MAP4K1: variants seen among roughly 807,000 people sequenced by gnomAD.
The protein encoded by MAP4K1 is MAPK/ERK kinase kinase kinase 1.
A neutral mutation model predicts 122.8 loss-of-function variants in MAP4K1; 35 were observed. The ratio of observed to expected loss-of-function variants is 0.29; its 90% CI spans 0.22 to 0.38. The LOEUF is 0.38. Ranked by LOEUF, MAP4K1 falls within the 10% of genes least tolerant of loss-of-function variation. MAP4K1 has a pLI of 1.00. For synonymous variants in MAP4K1, 412 were observed against 421.3 expected, an observed-to-expected ratio of 0.98 and a Z score of 0.27; for missense variants, 791 against 1,072.6, an observed-to-expected ratio of 0.74 and a Z score of 3.67.
chr19:38,614,035 T>G lies in MAP4K1; in HGVS notation c.460+8A>C. On this transcript the variant is annotated splice_region_variant and intron_variant, in intron 7 of 30. Coordinates refer to ENST00000396857, the MANE Select transcript of MAP4K1 (RefSeq NM_001042600.3). The stretch of plus-strand genomic sequence containing the variant: ...CAGCCCCCCTGCTCAACCCCCAGCC[T>G]TACTCACCCAATCTGACCTCCCCAG... 2 of 1,467,544 alleles carry G rather than the reference T, an allele frequency of 1.4e-6. No homozygotes were observed. The highest frequency in any genetic ancestry group is 1.8e-6 in the Non-Finnish European group (2 of 1,088,284). The allele number at this position is 1,467,544 out of a possible 1,614,324, so 90.9% of individuals were successfully genotyped here.
Position 38,597,600 on chromosome 19 carries a change from G to A in MAP4K1, c.1670-6C>T. The A allele has an allele frequency of 6.2e-7, 1 of 1,601,062 alleles. No homozygotes were observed. The highest frequency in any genetic ancestry group is 8.5e-7 in the Non-Finnish European group (1 of 1,171,366). ...ATACAGGTGGGGGGTCTTTCCTGCA[G>A]GGTGTGTGTATGTAGGGGGAAGCAG... On this transcript the variant is annotated splice_polypyrimidine_tract_variant and splice_region_variant and intron_variant, in intron 22 of 30. Transcript: ENST00000396857. This position sits in a 1 kb window ranked among gnomAD's most constrained non-coding sequence, Gnocchi z 4.6.
chr19:38,592,704 G>A (rs1482287586), intron 30 of MAP4K1, among the ~76,000 whole-genome samples: 1 of 152,074 alleles, frequency 6.6e-6, no homozygotes, highest in Non-Finnish European at 1.5e-5. Flanking sequence ...GATCACCGAG[G>A]TCAGGAGTTC....
At chr19:38,591,688 G>C (rs868007047) in intron 30 of MAP4K1, among the ~76,000 whole-genome samples, 4 of 151,420 alleles carry the variant, frequency 2.6e-5, no homozygotes, top group East Asian at 3.9e-4. Context: ...AATGCAGCCA[G>C]GGCTGGGCAC....
intron 19 of MAP4K1, among the ~76,000 whole-genome samples, chr19:38,602,994 AC>A (rs1568631459): frequency 6.9e-6 from 1 of 144,668 alleles, no homozygotes; most frequent in Non-Finnish European, 1.5e-5. Context: ...ATACATATAT[AC>A]ATATACATAT....
At chr19:38,606,056 C>A (rs879362020) in intron 17 of MAP4K1, 117 bp downstream of exon 17, 10 of 798,816 alleles carry the variant, frequency 1.3e-5, no homozygotes, top group Admixed American at 5.3e-5. Flanking sequence ...AGCCATCATC[C>A]TGGTCTCCCC....
In MAP4K1 at chr19:38,617,728, CCT is replaced by C; in HGVS notation, c.99+67_99+68del. The C allele has an allele frequency of 6.2e-7, 1 of 1,603,948 alleles. No individual in the cohort carries two copies. The highest frequency in any genetic ancestry group is 8.5e-7 in the Non-Finnish European group (1 of 1,170,780). On this transcript the variant is annotated intron_variant, in intron 1 of 30. Coordinates refer to ENST00000396857, the MANE Select transcript of MAP4K1 (RefSeq NM_001042600.3). The surrounding 1 kb of genome is among the most constrained non-coding windows in gnomAD (Gnocchi z 4.1). ...GAACTGGGACCCCCTCTTGCAGCCT[CCT>C]CCCTGCCGAGGGCTTGCCTTAAAGG...
intron 30 of MAP4K1, among the ~76,000 whole-genome samples, chr19:38,590,394 A>ATATATATAT (rs1226154169): frequency 5.8e-5 from 1 of 17,296 alleles, no homozygotes; most frequent in Non-Finnish European, 1.0e-4. Context: ...AAAAAAAAAA[A>ATATATATAT]ATATATATAT....
chr19:38,602,465 CAT>C (rs768238466), intron 19 of MAP4K1, among the ~76,000 whole-genome samples: 4 of 146,132 alleles, frequency 2.7e-5, no homozygotes, highest in South Asian at 2.2e-4. Flanking sequence ...TATATACACA[CAT>C]ATACATATAT....
chr19:38,601,756 T>C (rs1975073131), intron 19 of MAP4K1: 1 of 506,446 alleles, frequency 2.0e-6, no homozygotes. Context: ...TTTTTTAGTT[T>C]TTCCTCCACT....
At chr19:38,589,773 T>A (rs1450553217) in intron 30 of MAP4K1, among the ~76,000 whole-genome samples, 2 of 152,156 alleles carry the variant, frequency 1.3e-5, no homozygotes, top group African/African-American at 4.8e-5. Context: ...CCCCTGCCTA[T>A]AAGCCCAGCA....
intron 30 of MAP4K1, among the ~76,000 whole-genome samples, chr19:38,589,538 C>A (rs1974642614): frequency 6.6e-6 from 1 of 151,488 alleles, no homozygotes; most frequent in Non-Finnish European, 1.5e-5. Context: ...GCCTCAGCCT[C>A]CCGAGTAGCT....
At position 38,605,665 on chromosome 19, in the gene MAP4K1, C is replaced by G. The variant is rs560515565; in HGVS notation, c.1266G>C (p.Pro422=). ...CACTGGCACACCGGACCAGCACCCC[C>G]GGGCTCAGCTGCCCATCATCCCCCA... ...GSMGDDGQLS[P]GVLVRCASGP... The change falls in exon 18 of 31, where the codon CCG becomes CCC. Residue 422 remains proline (P), a synonymous_variant. Transcript: ENST00000396857. 2 of 1,605,678 alleles carry G rather than the reference C, an allele frequency of 1.2e-6. 1 individual carries two copies. Among genetic ancestry groups the G allele is most frequent in the Admixed American group, 3.5e-5 (2 of 57,126 alleles).
chr19:38,617,032 G>C lies in MAP4K1; in HGVS notation c.248+322C>G, dbSNP rs1975666183. Among the ~76,000 whole-genome samples, 3 of 152,070 alleles carry C rather than the reference G, an allele frequency of 2.0e-5. No homozygotes were observed. In the South Asian group the frequency reaches 6.2e-4, roughly 31 times the overall value. ...GGAGGCCGAGGCGAGTGGATCACAAGGTCAGGAGTTCAAGACCAGCCTGGC... is the reference window on the plus strand; with the variant it reads ...GGAGGCCGAGGCGAGTGGATCACAACGTCAGGAGTTCAAGACCAGCCTGGC... On this transcript the variant is annotated intron_variant, in intron 3 of 30. Transcript: ENST00000396857. This position sits in a 1 kb window ranked among gnomAD's most constrained non-coding sequence, Gnocchi z 4.1.
At position 38,611,218 on chromosome 19, in the gene MAP4K1, C is replaced by A. The variant is rs1363988844; in HGVS notation, c.728+25G>T. On this transcript the variant is annotated intron_variant, in intron 10 of 30. Transcript: ENST00000396857. ...CAGCCCCAGCCCTGCCCTCTCTCACCCTCCCTCCTGTTACTCTCTCGTACC... is the reference window on the plus strand; with the variant it reads ...CAGCCCCAGCCCTGCCCTCTCTCACACTCCCTCCTGTTACTCTCTCGTACC... 3 of 1,610,206 alleles carry A rather than the reference C, an allele frequency of 1.9e-6. No individual in the cohort carries two copies. The East Asian group carries it at 6.7e-5, about 36-fold the overall frequency.
chr19:38,598,472 G>A (rs923880203), intron 22 of MAP4K1, among the ~76,000 whole-genome samples: 2 of 152,010 alleles, frequency 1.3e-5, no homozygotes, highest in Admixed American at 6.6e-5. Flanking sequence ...GGAACCATAG[G>A]TGTGTGCCAC....
intron 20 of MAP4K1, among the ~76,000 whole-genome samples, chr19:38,601,181 T>C: frequency 6.6e-6 from 1 of 152,026 alleles, no homozygotes; most frequent in Middle Eastern, 3.2e-3. Context: ...ACTCCTGACC[T>C]CAAATGATTC....
intron 30 of MAP4K1, chr19:38,589,211 G>A (rs1331148497): frequency 1.2e-5 from 2 of 160,104 alleles, no homozygotes; most frequent in East Asian, 2.0e-4. Context: ...GCTGAGGCAG[G>A]AGAATTGCTT....
At chr19:38,589,295 T>C (rs1974630430) in intron 30 of MAP4K1, 3 of 268,526 alleles carry the variant, frequency 1.1e-5, no homozygotes, top group South Asian at 6.1e-5. Context: ...AGAGTGAGAC[T>C]CTGACTCAAA....
chr19:38,604,034 A>G (rs1008535392), intron 19 of MAP4K1, among the ~76,000 whole-genome samples: 2 of 144,774 alleles, frequency 1.4e-5, no homozygotes, highest in African/African-American at 5.1e-5. Flanking sequence ...GGTGAGGTGC[A>G]TGGATTGCTT....
Sources: gnomAD v4.1 joint callset for allele counts (sites outside exome capture counted in the v4.1 genomes callset) on GRCh38, gnomAD v4.1.1 for gene constraint, Gnocchi (gnomAD v3.1) non-coding constraint, MANE v1.5 for transcripts, NCBI Gene and HGNC (gene_info 2026-07-23, HGNC 2026-07-21) for gene names.